STXBP5: variants seen among roughly 807,000 people sequenced by gnomAD.
STXBP5 encodes the protein syntaxin binding protein 5.
STXBP5 carries 50 observed loss-of-function variants against 152.4 expected under a neutral mutation model. The ratio of observed to expected loss-of-function variants is 0.33; its 90% CI spans 0.26 to 0.42. STXBP5 has a LOEUF of 0.42. Among genes scored for constraint, STXBP5 ranks in the 10% least tolerant of loss-of-function variants. STXBP5 has a pLI of 1.00. For missense variants in STXBP5, 1,167 were observed against 1,388.6 expected (o/e 0.84, Z 2.54); for synonymous variants, 492 against 494.7 (o/e 0.99, Z 0.07).
chr6:147,357,541 T>C (rs1318368499), intron 22 of STXBP5, among the ~76,000 whole-genome samples: 1 of 152,120 alleles, frequency 6.6e-6, no homozygotes, highest in Non-Finnish European at 1.5e-5. Flanking sequence ...GAATTATAAC[T>C]ATGCCTTATA....
At chr6:147,233,187 A>C (rs969235731) in intron 2 of STXBP5, among the ~76,000 whole-genome samples, 1 of 151,794 alleles carries the variant, frequency 6.6e-6, no homozygotes, top group Non-Finnish European at 1.5e-5. Flanking sequence ...CGTTTGAAAG[A>C]CTTCATGAAG....
chr6:147,233,297 CA>C (rs1169119772), intron 2 of STXBP5, among the ~76,000 whole-genome samples: 1 of 151,498 alleles, frequency 6.6e-6, no homozygotes, highest in Non-Finnish European at 1.5e-5. Context: ...TATTGGTTGA[CA>C]TTATCTTTAA....
rs138531987 is a variant in STXBP5 at position 147,225,716 on chromosome 6, A to G, written c.249-9534A>G. On this transcript the variant is annotated intron_variant, in intron 2 of 27. Coordinates refer to ENST00000321680, the MANE Select transcript of STXBP5 (RefSeq NM_001127715.4). ...AGGAGCGATACTCTCAGACTTTATC[A>G]CTGACTGCGGGCCCATGGCCTGTTT... is the stretch of plus-strand genomic sequence containing the variant. 4.6e-5 allele frequency among the ~76,000 whole-genome samples: 7 copies of G among 152,292 alleles called. No homozygotes were observed. The East Asian group carries it at 1.2e-3, about 25-fold the overall frequency.
chr6:147,227,358 A>G (rs554357918), intron 2 of STXBP5, among the ~76,000 whole-genome samples: 2 of 152,276 alleles, frequency 1.3e-5, no homozygotes, highest in South Asian at 4.1e-4. Flanking sequence ...AACATGCCCT[A>G]CCTTGCCCAT....
intron 7 of STXBP5, among the ~76,000 whole-genome samples, chr6:147,268,871 TA>T (rs1780019140): frequency 6.6e-6 from 1 of 152,132 alleles, no homozygotes; most frequent in Non-Finnish European, 1.5e-5. Context: ...ACAAAGAAGG[TA>T]AACCCCTCAA....
At chr6:147,326,526 TC>T (rs1274669459) in intron 17 of STXBP5, among the ~76,000 whole-genome samples, 4 of 152,218 alleles carry the variant, frequency 2.6e-5, no homozygotes, top group Non-Finnish European at 5.9e-5. Flanking sequence ...TGCTTACATG[TC>T]CTCTTTTACT....
chr6:147,278,215 A>G lies in STXBP5; in HGVS notation c.838+11A>G. On this transcript the variant is annotated intron_variant, in intron 8 of 27. Coordinates refer to ENST00000321680, the MANE Select transcript of STXBP5 (RefSeq NM_001127715.4). ...CAATCACTCCACATGGTAAGAATGC[A>G]TCAATTTTAAATACCACCTAATTGT... 1.3e-6 allele frequency: 2 copies of G among 1,592,366 alleles called. No individual in the cohort carries two copies. The highest frequency in any genetic ancestry group is 1.1e-5 in the South Asian group (1 of 87,684).
At chr6:147,251,311 G>A (rs1456935414) in intron 4 of STXBP5, among the ~76,000 whole-genome samples, 1 of 131,580 alleles carries the variant, frequency 7.6e-6, no homozygotes, top group Non-Finnish European at 1.6e-5. Context: ...AGATTCCTTT[G>A]GGTGCCTACG....
intron 22 of STXBP5, among the ~76,000 whole-genome samples, chr6:147,355,070 G>A (rs1784755671): frequency 6.6e-6 from 1 of 152,132 alleles, no homozygotes; most frequent in Admixed American, 6.6e-5. Flanking sequence ...TTGCTTATGG[G>A]GAAATTGTGC....
chr6:147,243,391 GA>G (rs1284505795), intron 4 of STXBP5, among the ~76,000 whole-genome samples: 2 of 152,132 alleles, frequency 1.3e-5, no homozygotes, highest in Non-Finnish European at 2.9e-5. Flanking sequence ...CTGCTTTGAT[GA>G]GTTGTCCAGA....
chr6:147,340,221 G>GTTT (rs1427007720), intron 21 of STXBP5, among the ~76,000 whole-genome samples: 1 of 151,994 alleles, frequency 6.6e-6, no homozygotes, highest in East Asian at 1.9e-4. Flanking sequence ...AGATGGAATA[G>GTTT]TTTTACTTTT....
chr6:147,228,765 C>G (rs1360800711), intron 2 of STXBP5, among the ~76,000 whole-genome samples: 8 of 152,062 alleles, frequency 5.3e-5, no homozygotes, highest in Non-Finnish European at 1.2e-4. Context: ...CTTTTCACTA[C>G]TTTTCAGTCA....
rs151083246 is a variant in STXBP5, at chr6:147,347,531, A to G, written c.2255-5792A>G. On this transcript the variant is annotated intron_variant, in intron 21 of 27. Coordinates refer to ENST00000321680, the MANE Select transcript of STXBP5 (RefSeq NM_001127715.4). ...CTAAACCTTTGTGCAAATTGTGATTATAATATACCAGTTGTAAAACTTATA... is the reference window on the plus strand; with the variant it reads ...CTAAACCTTTGTGCAAATTGTGATTGTAATATACCAGTTGTAAAACTTATA... 8.2e-4 allele frequency among the ~76,000 whole-genome samples: 125 copies of G among 152,368 alleles called. No homozygotes were observed. In the South Asian group the frequency reaches 0.012, roughly 15 times the overall value.
At chr6:147,380,958 C>T (rs1407979130) in intron 26 of STXBP5, among the ~76,000 whole-genome samples, 1 of 152,064 alleles carries the variant, frequency 6.6e-6, no homozygotes, top group Non-Finnish European at 1.5e-5. Context: ...ATATGGCTGG[C>T]GAGACCTCAC....
At chr6:147,384,578 A>T in intron 27 of STXBP5, 136 bp from the exon 28 acceptor site, 1 of 824,710 alleles carries the variant, frequency 1.2e-6, no homozygotes. Flanking sequence ...TGCTTTTAAT[A>T]AGTTGAAGTA....
At chr6:147,353,970 A>C (rs544348746) in intron 22 of STXBP5, among the ~76,000 whole-genome samples, 1 of 152,182 alleles carries the variant, frequency 6.6e-6, no homozygotes, top group African/African-American at 2.4e-5. Context: ...GACAAATGAC[A>C]TTTCAAAAAA....
intron 25 of STXBP5, among the ~76,000 whole-genome samples, chr6:147,364,613 A>G (rs909876886): frequency 3.3e-5 from 5 of 152,168 alleles, no homozygotes; most frequent in African/African-American, 1.2e-4. Flanking sequence ...GTTTTCCTCT[A>G]GTATGTTGGT....
At chr6:147,250,485 A>G (rs1376125593) in intron 4 of STXBP5, among the ~76,000 whole-genome samples, 1 of 152,178 alleles carries the variant, frequency 6.6e-6, no homozygotes, top group Non-Finnish European at 1.5e-5. Context: ...GATTTAAAGT[A>G]TATGGGAAGA....
intron 16 of STXBP5, among the ~76,000 whole-genome samples, chr6:147,316,882 T>C (rs1186329090): frequency 6.6e-6 from 1 of 152,222 alleles, no homozygotes; most frequent in Non-Finnish European, 1.5e-5. Context: ...AATTTAAATA[T>C]ATCTTGCTTT....
Sources: allele counts gnomAD v4.1 joint callset (sites outside exome capture counted in the v4.1 genomes callset), GRCh38; gene constraint gnomAD v4.1.1; transcripts MANE v1.5; gene names NCBI Gene and HGNC (gene_info 2026-07-23, HGNC 2026-07-21).